Variants in VRK2 observed in about 807,000 individuals in gnomAD.
VRK2 encodes the protein serine/threonine-protein kinase VRK2.
In VRK2, 60 loss-of-function variants were observed where a neutral mutation model predicts 57.6. That is an observed-to-expected ratio of 1.04 (90% CI 0.85 to 1.29). VRK2 has a LOEUF of 1.29. Among genes scored for constraint, VRK2 ranks in the 50% most tolerant of loss-of-function variants. VRK2 has a pLI of 0.00. For synonymous variants in VRK2, 231 were observed against 199.2 expected (o/e 1.16, Z -1.35); for missense variants, 705 against 588.1 (o/e 1.20, Z -2.06).
At position 58,071,316 on chromosome 2, in the gene VRK2, T is replaced by C. The variant is rs571416419; in HGVS notation, c.137-12773T>C. Among the ~76,000 whole-genome samples the C allele has an allele frequency of 1.6e-4, 25 of 152,208 alleles. 1 individual carries two copies. Among genetic ancestry groups the C allele is most frequent in the Admixed American group, 8.5e-4 (13 of 15,240 alleles). ...ATTTTTAATGTTAATGAAGTCCAAT[T>C]TAACAGTTCTTTTCTTGCATGGATT... On this transcript the variant is annotated intron_variant, in intron 2 of 12. Coordinates refer to ENST00000340157, the MANE Select transcript of VRK2 (RefSeq NM_006296.7).
intron 2 of VRK2, among the ~76,000 whole-genome samples, chr2:58,071,123 T>C (rs1669306596): frequency 6.6e-6 from 1 of 152,186 alleles, no homozygotes; most frequent in African/African-American, 2.4e-5. Flanking sequence ...TAGAAGTTTC[T>C]GTTAAATATT....
chr2:57,976,051 A>G (rs1334899906), intron 1 of VRK2, among the ~76,000 whole-genome samples: 1 of 152,072 alleles, frequency 6.6e-6, no homozygotes, highest in Non-Finnish European at 1.5e-5. Flanking sequence ...GTCACTTAGG[A>G]TAATGGCCTC....
At chr2:58,118,610 A>C (rs1396138146) in intron 7 of VRK2, among the ~76,000 whole-genome samples, 7 of 152,220 alleles carry the variant, frequency 4.6e-5, no homozygotes, top group African/African-American at 1.2e-4. Flanking sequence ...CTGAGGTCGT[A>C]GGTGGATCTT....
intron 2 of VRK2, chr2:58,058,375 C>T (rs2103867108): frequency 2.1e-6 from 1 of 470,580 alleles, no homozygotes; most frequent in East Asian, 7.0e-5. Context: ...TTTTCTCTCT[C>T]CAATGCTTAG....
At chr2:57,919,325 A>G (rs1349949894) in intron 1 of VRK2, among the ~76,000 whole-genome samples, 2 of 152,152 alleles carry the variant, frequency 1.3e-5, no homozygotes, top group Non-Finnish European at 2.9e-5. Flanking sequence ...AGAAATATAA[A>G]CAATATTTCT....
At chr2:57,994,762 AT>A (rs1338504187) in intron 1 of VRK2, among the ~76,000 whole-genome samples, 3 of 152,070 alleles carry the variant, frequency 2.0e-5, no homozygotes, top group Non-Finnish European at 4.4e-5. Flanking sequence ...AAAAAAAAAC[AT>A]TTTTTAGTTC....
chr2:57,937,827 CTTTTTTTTTTT>C (rs778615422), intron 1 of VRK2, among the ~76,000 whole-genome samples: 5 of 89,950 alleles, frequency 5.6e-5, no homozygotes, highest in African/African-American at 2.1e-4. Context: ...GTTTATCTTT[CTTTTTTTTTTT>C]TTTTTTTTTT....
chr2:58,070,372 G>A (rs1198690742), intron 2 of VRK2, among the ~76,000 whole-genome samples: 1 of 151,996 alleles, frequency 6.6e-6, no homozygotes, highest in Non-Finnish European at 1.5e-5. Context: ...AGTTTTATGG[G>A]TTTTGGTATA....
chr2:57,968,015 AG>A (rs1345800147), intron 1 of VRK2, among the ~76,000 whole-genome samples: 1 of 152,114 alleles, frequency 6.6e-6, no homozygotes, highest in African/African-American at 2.4e-5. Flanking sequence ...TGCCATACTG[AG>A]ATAAGTTATA....
intron 1 of VRK2, among the ~76,000 whole-genome samples, chr2:57,930,706 T>G (rs1181252585): frequency 4.6e-5 from 7 of 152,168 alleles, no homozygotes; most frequent in African/African-American, 1.7e-4. Flanking sequence ...ATCTTACAAC[T>G]GAAAGCTTAT....
At chr2:58,063,011 T>C (rs936274231) in intron 2 of VRK2, among the ~76,000 whole-genome samples, 1 of 152,078 alleles carries the variant, frequency 6.6e-6, no homozygotes, top group Non-Finnish European at 1.5e-5. Flanking sequence ...TCTCTTCTTA[T>C]GGGCTAGTGC....
At chr2:57,999,991 T>TAC (rs943883638) in intron 1 of VRK2, among the ~76,000 whole-genome samples, 4 of 151,888 alleles carry the variant, frequency 2.6e-5, no homozygotes, top group Admixed American at 6.6e-5. Context: ...AAAAATTTAA[T>TAC]ACACACACAC....
chr2:58,054,824 A>G (rs569408210), intron 2 of VRK2, among the ~76,000 whole-genome samples: 3 of 152,248 alleles, frequency 2.0e-5, no homozygotes, highest in South Asian at 4.1e-4. Context: ...CATCACATGG[A>G]CTGTTATTCC....
intron 2 of VRK2, among the ~76,000 whole-genome samples, chr2:58,075,751 GT>G (rs1371343965): frequency 6.6e-6 from 1 of 152,062 alleles, no homozygotes; most frequent in Non-Finnish European, 1.5e-5. Flanking sequence ...GGCTGGAGTG[GT>G]TATTTTTCTT....
chr2:58,157,208 G>T (rs987020144), intron 12 of VRK2, among the ~76,000 whole-genome samples: 1 of 152,160 alleles, frequency 6.6e-6, no homozygotes, highest in Non-Finnish European at 1.5e-5. Context: ...AGCAGAAGGG[G>T]AAGTCTGGTA....
chr2:57,980,267 A>G (rs1672381296), intron 1 of VRK2, among the ~76,000 whole-genome samples: 1 of 151,806 alleles, frequency 6.6e-6, no homozygotes, highest in African/African-American at 2.4e-5. Flanking sequence ...AATTTTTTTT[A>G]TTTTTGCCCT....
intron 7 of VRK2, among the ~76,000 whole-genome samples, chr2:58,095,503 T>G (rs1359183672): frequency 6.6e-6 from 1 of 152,148 alleles, no homozygotes; most frequent in Non-Finnish European, 1.5e-5. Flanking sequence ...CTTATTATGT[T>G]TGTTTCAAAA....
At chr2:57,970,778 C>A (rs1171766400) in intron 1 of VRK2, among the ~76,000 whole-genome samples, 1 of 151,832 alleles carries the variant, frequency 6.6e-6, no homozygotes, top group Non-Finnish European at 1.5e-5. Flanking sequence ...CAACTCATGA[C>A]CAATCTTGTT....
chr2:57,982,984 G>A (rs960687564), intron 1 of VRK2, among the ~76,000 whole-genome samples: 2 of 152,296 alleles, frequency 1.3e-5, no homozygotes, highest in Admixed American at 6.5e-5. Flanking sequence ...AGAGGTCCAT[G>A]GACCACGCCA....
Sources: allele counts gnomAD v4.1 joint callset (sites outside exome capture counted in the v4.1 genomes callset), GRCh38; gene constraint gnomAD v4.1.1; transcripts MANE v1.5; gene names NCBI Gene and HGNC (gene_info 2026-07-23, HGNC 2026-07-21).